Variants in OSBPL6 observed in about 807,000 individuals in gnomAD.
OSBPL6 encodes oxysterol-binding protein-related protein 6.
A neutral mutation model predicts 125.8 loss-of-function variants in OSBPL6; 49 were observed. The ratio of observed to expected loss-of-function variants is 0.39; its 90% CI spans 0.31 to 0.49. OSBPL6 has a LOEUF of 0.49. Among genes scored for constraint, OSBPL6 ranks in the 20% least tolerant of loss-of-function variants. OSBPL6 has a pLI of 0.88. For missense variants in OSBPL6, 986 were observed against 1,135.4 expected (o/e 0.87, Z 1.89); for synonymous variants, 394 against 391.8 (o/e 1.01, Z -0.07).
chr2:178,341,333 C>CTTTTTTT (rs60436384), intron 11 of OSBPL6, among the ~76,000 whole-genome samples: 4 of 117,388 alleles, frequency 3.4e-5, no homozygotes, highest in Non-Finnish European at 3.6e-5. Context: ...CCAAATCATT[C>CTTTTTTT]TTTTTTTTTT....
intron 11 of OSBPL6, among the ~76,000 whole-genome samples, chr2:178,340,081 C>A (rs183101919): frequency 1.3e-5 from 2 of 152,098 alleles, no homozygotes; most frequent in Admixed American, 6.5e-5. Context: ...GATTAAAAAT[C>A]TAGTGGGTTA....
At position 178,240,432 on chromosome 2, in the gene OSBPL6, G is replaced by A. The variant is rs181366576; in HGVS notation, c.-350-44495G>A. Among the ~76,000 whole-genome samples the A allele has an allele frequency of 2.7e-3, 411 of 152,198 alleles. 2 individuals are homozygous for A. Among genetic ancestry groups the A allele is most frequent in the African/African-American group, 8.8e-3 (365 of 41,542 alleles). On this transcript the variant is annotated intron_variant, in intron 1 of 24. Coordinates refer to ENST00000190611, the MANE Select transcript of OSBPL6 (RefSeq NM_032523.4). ...AAAAATACGAAAATTAGCCAGGCACGGTGGTGCACACCGTAGTTTCAGCTA... is the reference window on the plus strand; with the variant it reads ...AAAAATACGAAAATTAGCCAGGCACAGTGGTGCACACCGTAGTTTCAGCTA...
intron 12 of OSBPL6, among the ~76,000 whole-genome samples, chr2:178,360,672 C>G (rs997143122): frequency 2.0e-4 from 30 of 152,124 alleles, no homozygotes; most frequent in African/African-American, 7.0e-4. Context: ...ATGACTATTG[C>G]ATGAACTTTT....
chr2:178,241,673 C>G (rs1484284358), intron 1 of OSBPL6, among the ~76,000 whole-genome samples: 1 of 152,164 alleles, frequency 6.6e-6, no homozygotes, highest in African/African-American at 2.4e-5. Context: ...ACCTCGGCCT[C>G]CCAACGTGCT....
At chr2:178,386,289 A>G (rs1193977203) in intron 19 of OSBPL6, among the ~76,000 whole-genome samples, 1 of 152,224 alleles carries the variant, frequency 6.6e-6, no homozygotes, top group African/African-American at 2.4e-5. Flanking sequence ...CGAAGTTCCC[A>G]TAGTTCATCA....
At chr2:178,291,612 A>G (rs1275280265) in intron 2 of OSBPL6, among the ~76,000 whole-genome samples, 1 of 152,012 alleles carries the variant, frequency 6.6e-6, no homozygotes, top group African/African-American at 2.4e-5. Context: ...ATTTTGTTAT[A>G]TCTGACCCGT....
chr2:178,348,101 C>T (rs926394682), intron 11 of OSBPL6, among the ~76,000 whole-genome samples: 1 of 152,176 alleles, frequency 6.6e-6, no homozygotes, highest in Admixed American at 6.6e-5. Context: ...GCCCTCTTCT[C>T]CTTCCCCCTT....
At chr2:178,235,234 T>C (rs115886927) in intron 1 of OSBPL6, among the ~76,000 whole-genome samples, 1,612 of 152,210 alleles carry the variant, frequency 0.011, 29 homozygotes, top group African/African-American at 0.037. Context: ...ATTACTTAAT[T>C]ATAGAATACT....
intron 5 of OSBPL6, 133 bp from the exon 6 acceptor site, chr2:178,331,419 G>A: frequency 2.2e-6 from 2 of 902,298 alleles, no homozygotes; most frequent in Non-Finnish European, 3.7e-6. Context: ...GTGGCCAAAT[G>A]CACTGAATCC....
intron 12 of OSBPL6, among the ~76,000 whole-genome samples, chr2:178,352,378 C>G (rs1260072108): frequency 6.6e-6 from 1 of 152,226 alleles, no homozygotes; most frequent in Non-Finnish European, 1.5e-5. Context: ...CGGGACACTT[C>G]CACCCAAATA....
intron 11 of OSBPL6, among the ~76,000 whole-genome samples, chr2:178,341,182 T>C (rs1048124476): frequency 2.0e-5 from 3 of 152,124 alleles, no homozygotes; most frequent in African/African-American, 7.2e-5. Flanking sequence ...TTAATAGATA[T>C]TGTTTTAATC....
intron 11 of OSBPL6, among the ~76,000 whole-genome samples, chr2:178,339,980 G>A (rs1690060256): frequency 6.6e-6 from 1 of 152,064 alleles, no homozygotes. Context: ...TTAAAATTAT[G>A]CGATATGTGT....
At chr2:178,236,411 A>C (rs1291899760) in intron 1 of OSBPL6, among the ~76,000 whole-genome samples, 1 of 152,224 alleles carries the variant, frequency 6.6e-6, no homozygotes, top group Non-Finnish European at 1.5e-5. Flanking sequence ...ATAATATGCT[A>C]CTGTATCATG....
At chr2:178,233,731 C>T (rs1403430106) in intron 1 of OSBPL6, among the ~76,000 whole-genome samples, 1 of 152,150 alleles carries the variant, frequency 6.6e-6, no homozygotes, top group Non-Finnish European at 1.5e-5. Flanking sequence ...TGGCCATGGA[C>T]AGGCTATTTA....
chr2:178,374,141 A>G (rs780373231), intron 15 of OSBPL6, 114 bp downstream of exon 15: 5 of 1,278,686 alleles, frequency 3.9e-6, no homozygotes, highest in East Asian at 2.3e-5. Flanking sequence ...TTTTGTTTAC[A>G]TCATAGTAAA....
At position 178,344,373 on chromosome 2, in the gene OSBPL6, C is replaced by T. The variant is rs529454254; in HGVS notation, c.987+4609C>T. The T allele has an allele frequency of 3.7e-6, 6 of 1,613,106 alleles. No individual in the cohort carries two copies. In the South Asian group the frequency reaches 6.6e-5, roughly 18 times the overall value. ...AGTGGCTACAACAGTGAGTGGATTT[C>T]AATCTCAAGTGGAAGTTTAATAAGA... On this transcript the variant is annotated intron_variant, in intron 11 of 24. Coordinates refer to ENST00000190611, the MANE Select transcript of OSBPL6 (RefSeq NM_032523.4).
intron 1 of OSBPL6, among the ~76,000 whole-genome samples, chr2:178,283,364 A>G (rs1410348476): frequency 6.6e-6 from 1 of 151,678 alleles, no homozygotes; most frequent in East Asian, 1.9e-4. Flanking sequence ...TTGTGTGTGC[A>G]TTTTTCCCAT....
chr2:178,332,851 C>T lies in OSBPL6; in HGVS notation c.487-20C>T. The T allele has an allele frequency of 1.2e-6, 2 of 1,608,590 alleles. No homozygotes were observed. Among genetic ancestry groups the T allele is most frequent in the Non-Finnish European group, 1.7e-6 (2 of 1,175,892 alleles). On this transcript the variant is annotated intron_variant, in intron 7 of 24. Coordinates refer to ENST00000190611, the MANE Select transcript of OSBPL6 (RefSeq NM_032523.4). Reference sequence around the variant, plus strand: ...GAGAGTTATTTTACAATTACTTTCTCCTCTCGTTCATTGTTTTAGGTGAAA... The same window carrying T: ...GAGAGTTATTTTACAATTACTTTCTTCTCTCGTTCATTGTTTTAGGTGAAA...
chr2:178,339,169 A>C (rs1262296276), intron 10 of OSBPL6, 75 bp downstream of exon 10: 1 of 810,018 alleles, frequency 1.2e-6, no homozygotes, highest in Non-Finnish European at 1.9e-6. Context: ...TTCTATGAAT[A>C]TATAAGGTAA....
Sources: gnomAD v4.1 joint callset for allele counts (sites outside exome capture counted in the v4.1 genomes callset) on GRCh38, gnomAD v4.1.1 for gene constraint, MANE v1.5 for transcripts, NCBI Gene and HGNC (gene_info 2026-07-23, HGNC 2026-07-21) for gene names.